Variants in KIAA1217 observed in about 807,000 individuals in gnomAD.
KIAA1217 encodes KIAA1217.
In KIAA1217, 88 loss-of-function variants were observed where a neutral mutation model predicts 163.9. The observed-to-expected ratio is 0.54, with a 90% CI of 0.45 to 0.64. The LOEUF (loss-of-function observed/expected upper bound fraction) is 0.64, where lower values mean the gene tolerates loss of function less well. Among genes scored for constraint, KIAA1217 ranks in the 30% least tolerant of loss-of-function variants. The pLI is 0.00. For synonymous variants in KIAA1217, 903 were observed against 923.1 expected (o/e 0.98, Z 0.39); for missense variants, 2,372 against 2,475.0 (o/e 0.96, Z 0.88).
At chr10:24,404,847 C>T (rs1469696236) in intron 3 of KIAA1217, among the ~76,000 whole-genome samples, 2 of 152,068 alleles carry the variant, frequency 1.3e-5, no homozygotes. Context: ...TGGATTTATG[C>T]TCAGTGAGGA....
At chr10:24,225,314 G>A (rs1406402885) in intron 2 of KIAA1217, among the ~76,000 whole-genome samples, 1 of 152,066 alleles carries the variant, frequency 6.6e-6, no homozygotes, top group African/African-American at 2.4e-5. Context: ...TGTAGGGACA[G>A]GGTCTTGCTG....
chr10:24,210,645 G>A (rs998911845), intron 1 of KIAA1217, among the ~76,000 whole-genome samples: 2 of 152,154 alleles, frequency 1.3e-5, no homozygotes, highest in East Asian at 1.9e-4. Flanking sequence ...TGGTCAGCCT[G>A]AGACAGTGTG....
chr10:24,465,239 G>A (rs1308302023), intron 5 of KIAA1217, among the ~76,000 whole-genome samples: 2 of 152,150 alleles, frequency 1.3e-5, no homozygotes, highest in African/African-American at 4.8e-5. Flanking sequence ...ACTGTTTTCC[G>A]ACCTCTTAGG....
intron 1 of KIAA1217, among the ~76,000 whole-genome samples, chr10:23,791,342 T>C (rs1446896621): frequency 6.6e-6 from 1 of 152,154 alleles, no homozygotes; most frequent in African/African-American, 2.4e-5. Flanking sequence ...ATATGGCCAG[T>C]CTTATTTCAT....
intron 2 of KIAA1217, among the ~76,000 whole-genome samples, chr10:24,077,030 C>A (rs2061390961): frequency 1.3e-5 from 2 of 151,974 alleles, no homozygotes; most frequent in South Asian, 4.2e-4. Flanking sequence ...GCATGCACCA[C>A]CATGCCTGGC....
chr10:24,001,249 A>G (rs1283010277), intron 1 of KIAA1217, among the ~76,000 whole-genome samples: 1 of 152,186 alleles, frequency 6.6e-6, no homozygotes, highest in East Asian at 1.9e-4. Flanking sequence ...ATTCATTCAT[A>G]CATCTGCCAT....
intron 4 of KIAA1217, among the ~76,000 whole-genome samples, chr10:24,435,865 CTT>C (rs918967955): frequency 6.9e-6 from 1 of 145,248 alleles, no homozygotes; most frequent in African/African-American, 2.5e-5. Flanking sequence ...GATAGCCTAA[CTT>C]TTTTTTTTTT....
chr10:24,008,415 A>C (rs937886069), intron 2 of KIAA1217, among the ~76,000 whole-genome samples: 1 of 152,128 alleles, frequency 6.6e-6, no homozygotes. Flanking sequence ...TAATGATGGC[A>C]AAAGTTCCCT....
chr10:24,351,004 G>A (rs1044364364), intron 2 of KIAA1217, among the ~76,000 whole-genome samples: 1 of 152,130 alleles, frequency 6.6e-6, no homozygotes, highest in Non-Finnish European at 1.5e-5. Context: ...TGGAGTGCAA[G>A]TAGTGTGATC....
intron 20 of KIAA1217, 198 bp from the exon 21 acceptor site, chr10:24,545,629 C>T (rs772004402): frequency 2.6e-5 from 36 of 1,389,054 alleles, no homozygotes; most frequent in Non-Finnish European, 3.2e-5. Context: ...CCTCCTTTCC[C>T]GTCCATCCTT....
At chr10:23,937,336 C>T (rs1843574969) in intron 1 of KIAA1217, among the ~76,000 whole-genome samples, 2 of 152,118 alleles carry the variant, frequency 1.3e-5, no homozygotes, top group Admixed American at 1.3e-4. Context: ...CAAACAAACA[C>T]TCCCATACCT....
intron 1 of KIAA1217, among the ~76,000 whole-genome samples, chr10:23,764,206 C>T (rs1834401647): frequency 6.6e-6 from 1 of 152,116 alleles, no homozygotes; most frequent in Admixed American, 6.5e-5. Flanking sequence ...TGAAAAAAAG[C>T]TGAACATCAC....
Position 24,016,592 on chromosome 10 carries a change from T to C in KIAA1217, c.-171+9218T>C, listed in dbSNP as rs1296804096. 2.0e-5 allele frequency among the ~76,000 whole-genome samples: 3 copies of C among 152,152 alleles called. No homozygotes were observed. In the East Asian group the frequency reaches 5.8e-4, roughly 29 times the overall value. ...GCTAAGCTTCTTATGTTTAATAATA[T>C]TATATAGTGTAGTATATTGTAGTAT... On this transcript the variant is annotated intron_variant, in intron 2 of 18. Transcript: ENST00000376462.
chr10:23,989,082 C>T (rs1846103838), intron 1 of KIAA1217, among the ~76,000 whole-genome samples: 1 of 152,154 alleles, frequency 6.6e-6, no homozygotes, highest in Non-Finnish European at 1.5e-5. Flanking sequence ...CTGGAAAACT[C>T]AGCATAATCT....
chr10:24,261,363 G>C (rs781709593), intron 2 of KIAA1217, among the ~76,000 whole-genome samples: 6 of 152,010 alleles, frequency 3.9e-5, no homozygotes, highest in African/African-American at 7.3e-5. Context: ...TGGACCTAGT[G>C]GTGGGCGTCT....
At chr10:23,896,128 A>T (rs1841686594) in intron 1 of KIAA1217, among the ~76,000 whole-genome samples, 2 of 151,972 alleles carry the variant, frequency 1.3e-5, no homozygotes. Context: ...TGTACCCTAA[A>T]ACTTAAAGTA....
chr10:23,717,154 A>G (rs1837620012), intron 1 of KIAA1217, among the ~76,000 whole-genome samples: 1 of 152,044 alleles, frequency 6.6e-6, no homozygotes, highest in Non-Finnish European at 1.5e-5. Context: ...TTACGTCTTC[A>G]CCTTTTTGTC....
intron 2 of KIAA1217, among the ~76,000 whole-genome samples, chr10:24,067,214 G>T (rs552795468): frequency 6.6e-6 from 1 of 152,100 alleles, no homozygotes; most frequent in African/African-American, 2.4e-5. Flanking sequence ...AGGAGGAGAG[G>T]CACTCTGATT....
intron 11 of KIAA1217, 149 bp downstream of exon 11, chr10:24,520,402 C>T: frequency 5.5e-6 from 6 of 1,083,856 alleles, no homozygotes; most frequent in Non-Finnish European, 7.9e-6. Flanking sequence ...TGGGATACCC[C>T]ACAGCACAAA....
Sources: gnomAD v4.1 joint callset for allele counts (sites outside exome capture counted in the v4.1 genomes callset) on GRCh38, gnomAD v4.1.1 for gene constraint, MANE v1.5 for transcripts, NCBI Gene and HGNC (gene_info 2026-07-23, HGNC 2026-07-21) for gene names.